Variants in OPRM1 observed in about 807,000 individuals in gnomAD.
OPRM1 encodes opioid receptor mu 1.
A neutral mutation model predicts 31.8 loss-of-function variants in OPRM1; 27 were observed. That is an observed-to-expected ratio of 0.85 (90% CI 0.63 to 1.17). The LOEUF is 1.17. Ranked by LOEUF, OPRM1 falls within the 50% of genes most tolerant of loss-of-function variation. OPRM1 has a pLI of 0.00. For missense variants in OPRM1, 536 were observed against 511.1 expected, an observed-to-expected ratio of 1.05 and a Z score of -0.47; for synonymous variants, 196 against 189.9, an observed-to-expected ratio of 1.03 and a Z score of -0.26.
intron 1 of OPRM1, among the ~76,000 whole-genome samples, chr6:154,081,495 G>C (rs1377446187): frequency 6.6e-6 from 1 of 152,032 alleles, no homozygotes; most frequent in Non-Finnish European, 1.5e-5. Flanking sequence ...AACAGAGTGA[G>C]ACTCCATCTC....
chr6:154,043,823 G>T (rs989876745), intron 1 of OPRM1, among the ~76,000 whole-genome samples: 1 of 151,962 alleles, frequency 6.6e-6, no homozygotes, highest in Non-Finnish European at 1.5e-5. Context: ...AGAGCTCCTG[G>T]TACCTATTAC....
intron 1 of OPRM1, chr6:154,086,892 T>TA (rs1421125031): frequency 1.0e-6 from 1 of 983,668 alleles, no homozygotes; most frequent in East Asian, 1.1e-4. Flanking sequence ...ATTAAAAAAA[T>TA]AAAAAATGTT....
intron 3 of OPRM1, among the ~76,000 whole-genome samples, chr6:154,099,304 GAA>G (rs1562469580): frequency 1.1e-5 from 1 of 92,606 alleles, no homozygotes. Flanking sequence ...AGGAAGGAAG[GAA>G]GAAAGGAAGG....
chr6:154,138,313 T>C (rs908044123), intron 3 of OPRM1, among the ~76,000 whole-genome samples: 1 of 152,182 alleles, frequency 6.6e-6, no homozygotes, highest in Non-Finnish European at 1.5e-5. Flanking sequence ...TAGAATACCT[T>C]CATACAGAGG....
intron 1 of OPRM1, among the ~76,000 whole-genome samples, chr6:154,044,872 A>C (rs1160479777): frequency 2.0e-5 from 3 of 152,196 alleles, no homozygotes; most frequent in Non-Finnish European, 4.4e-5. Context: ...TTAAGGTCAG[A>C]TGCAAGAAAA....
At chr6:154,058,592 T>A (rs1295777215) in intron 1 of OPRM1, among the ~76,000 whole-genome samples, 1 of 152,298 alleles carries the variant, frequency 6.6e-6, no homozygotes, top group African/African-American at 2.4e-5. Flanking sequence ...TGGGCTCATA[T>A]TCTAAGGACA....
exon 1 of OPRM1, chr6:154,010,732 C>G: frequency 7.0e-7 from 1 of 1,426,200 alleles, no homozygotes; most frequent in Non-Finnish European, 9.2e-7. Flanking sequence ...CATGACTTTG[C>G]CTGCATGAAT....
intron 3 of OPRM1, chr6:154,213,431 C>T (rs1470711460): frequency 6.5e-6 from 1 of 153,350 alleles, no homozygotes; most frequent in Non-Finnish European, 1.5e-5. Flanking sequence ...ACAATGGGTA[C>T]TTATTTTATG....
rs1797199083 is a variant in OPRM1, at chr6:154,119,716, T to A, written c.*995T>A. ...TTGCCAGAACAGTTTAAACTTTTTT[T>A]AAACAATAAATCCAATAAACATAAT... On this transcript the variant is annotated 3_prime_UTR_variant, in exon 4 of 4. Transcript: ENST00000330432. Among the ~76,000 whole-genome samples, 1 of 152,216 alleles carries A rather than the reference T, an allele frequency of 6.6e-6. No individual in the cohort carries two copies. Among genetic ancestry groups the A allele is most frequent in the African/African-American group, 2.4e-5 (1 of 41,464 alleles).
chr6:154,046,202 A>G (rs568569672), intron 1 of OPRM1, among the ~76,000 whole-genome samples: 127 of 152,332 alleles, frequency 8.3e-4, no homozygotes, highest in African/African-American at 2.9e-3. Context: ...GATAGGCAGC[A>G]CCAGTTAGAA....
intron 3 of OPRM1, among the ~76,000 whole-genome samples, chr6:154,163,092 C>T (rs1379343096): frequency 2.6e-5 from 4 of 152,222 alleles, no homozygotes; most frequent in African/African-American, 4.8e-5. Flanking sequence ...TGACACAAAG[C>T]ATGCCATCCT....
chr6:154,144,884 A>G (rs1384961318), intron 3 of OPRM1, among the ~76,000 whole-genome samples: 3 of 152,102 alleles, frequency 2.0e-5, no homozygotes, highest in Non-Finnish European at 4.4e-5. Context: ...AAAAATCATC[A>G]TTATATCAAT....
At chr6:154,189,175 T>A (rs1225777785) in intron 3 of OPRM1, among the ~76,000 whole-genome samples, 1 of 152,222 alleles carries the variant, frequency 6.6e-6, no homozygotes, top group African/African-American at 2.4e-5. Flanking sequence ...ATAAACACTC[T>A]TAGATGTGCT....
At chr6:154,136,316 T>C (rs369276888), downstream of OPRM1, among the ~76,000 whole-genome samples, 1 of 152,276 alleles carries the variant, frequency 6.6e-6, no homozygotes, top group South Asian at 2.1e-4. Context: ...CATGGTTTCA[T>C]TCCAAGGCTA....
intron 1 of OPRM1, among the ~76,000 whole-genome samples, chr6:154,088,736 G>A (rs1791264284): frequency 6.6e-6 from 1 of 152,118 alleles, no homozygotes; most frequent in African/African-American, 2.4e-5. Flanking sequence ...TAAAAACAAA[G>A]CAAACACACT....
At chr6:154,085,176 T>G (rs1790236759) in intron 1 of OPRM1, among the ~76,000 whole-genome samples, 1 of 152,126 alleles carries the variant, frequency 6.6e-6, no homozygotes, top group African/African-American at 2.4e-5. Flanking sequence ...GAGAAATGTG[T>G]GAAGAATAGG....
At chr6:154,117,836 G>A (rs1797030228) in intron 3 of OPRM1, among the ~76,000 whole-genome samples, 2 of 140,068 alleles carry the variant, frequency 1.4e-5, no homozygotes, top group South Asian at 4.8e-4. Flanking sequence ...TAAGGGTAAA[G>A]CATCAAATGG....
intron 3 of OPRM1, among the ~76,000 whole-genome samples, chr6:154,194,871 T>A (rs188365464): frequency 5.5e-4 from 84 of 152,238 alleles, no homozygotes; most frequent in Non-Finnish European, 7.9e-4. Context: ...TTGATGCCAA[T>A]GATCATATAT....
chr6:154,233,182 T>C (rs1172624741), intron 3 of OPRM1, among the ~76,000 whole-genome samples: 1 of 152,196 alleles, frequency 6.6e-6, no homozygotes, highest in Non-Finnish European at 1.5e-5. Flanking sequence ...TTGGCCAGAC[T>C]GGTCTCAAAC....
Sources: gnomAD v4.1 joint callset for allele counts (sites outside exome capture counted in the v4.1 genomes callset) on GRCh38, gnomAD v4.1.1 for gene constraint, MANE v1.5 for transcripts, NCBI Gene and HGNC (gene_info 2026-07-23, HGNC 2026-07-21) for gene names.